The following BRINP3 variants were observed in gnomAD, a reference collection of about 807,000 sequenced individuals.
BRINP3 encodes the protein BMP/retinoic acid inducible neural specific 3.
BRINP3 carries 19 observed loss-of-function variants against 71.0 expected under a neutral mutation model. The observed-to-expected ratio is 0.27, with a 90% confidence interval of 0.19 to 0.39. The LOEUF is 0.39. Among genes scored for constraint, BRINP3 ranks in the 10% least tolerant of loss-of-function variants. The pLI is 1.00. For missense variants in BRINP3, 959 were observed against 940.8 expected, an observed-to-expected ratio of 1.02 and a Z score of -0.25; for synonymous variants, 380 against 337.7, an observed-to-expected ratio of 1.13 and a Z score of -1.37.
At chr1:190,249,260 C>G (rs1659898772) in intron 4 of BRINP3, among the ~76,000 whole-genome samples, 1 of 151,910 alleles carries the variant, frequency 6.6e-6, no homozygotes, top group East Asian at 1.9e-4. Context: ...CAGCCCTAAG[C>G]ACAGCACAGA....
intron 6 of BRINP3, among the ~76,000 whole-genome samples, chr1:190,207,350 A>C (rs964120177): frequency 1.3e-5 from 2 of 152,114 alleles, no homozygotes; most frequent in African/African-American, 4.8e-5. Context: ...GCTTGTTCAG[A>C]GTTCACACAA....
At chr1:190,421,910 CT>C (rs1673413310) in intron 2 of BRINP3, among the ~76,000 whole-genome samples, 1 of 151,678 alleles carries the variant, frequency 6.6e-6, no homozygotes, top group African/African-American at 2.4e-5. Flanking sequence ...GCATTCTTTT[CT>C]TCTTCTTTGC....
chr1:190,289,021 A>AT (rs537928136), intron 2 of BRINP3, among the ~76,000 whole-genome samples: 3 of 151,266 alleles, frequency 2.0e-5, no homozygotes, highest in African/African-American at 7.3e-5. Context: ...TAAACATTGG[A>AT]TTTTTTTTTA....
intron 2 of BRINP3, among the ~76,000 whole-genome samples, chr1:190,306,898 A>G (rs1050978108): frequency 1.3e-5 from 2 of 152,048 alleles, no homozygotes; most frequent in African/African-American, 4.8e-5. Context: ...ACAATATAGT[A>G]CCTCAATATT....
intron 2 of BRINP3, among the ~76,000 whole-genome samples, chr1:190,452,150 A>G (rs559703834): frequency 4.6e-5 from 7 of 152,310 alleles, no homozygotes; most frequent in Middle Eastern, 3.4e-3. Context: ...TTTATGGCAA[A>G]CATTAATGAA....
At chr1:190,150,708 C>A (rs914710521) in intron 7 of BRINP3, among the ~76,000 whole-genome samples, 4 of 151,968 alleles carry the variant, frequency 2.6e-5, no homozygotes, top group African/African-American at 4.8e-5. Context: ...ATGAAGCTGA[C>A]AAAAAAGATT....
chr1:190,395,404 A>C (rs1271934656), intron 2 of BRINP3, among the ~76,000 whole-genome samples: 1 of 151,716 alleles, frequency 6.6e-6, no homozygotes, highest in Non-Finnish European at 1.5e-5. Flanking sequence ...ATTTAACTGC[A>C]CTTTGTATGC....
At chr1:190,293,800 G>T (rs1170262134) in intron 2 of BRINP3, among the ~76,000 whole-genome samples, 1 of 152,026 alleles carries the variant, frequency 6.6e-6, no homozygotes, top group East Asian at 1.9e-4. Context: ...TACAGTTTTT[G>T]ATTTAATGTC....
intron 3 of BRINP3, among the ~76,000 whole-genome samples, chr1:190,271,324 G>C (rs948411122): frequency 2.6e-5 from 4 of 151,510 alleles, no homozygotes; most frequent in African/African-American, 9.7e-5. Context: ...GAATGATCTT[G>C]AACAACACAT....
intron 2 of BRINP3, among the ~76,000 whole-genome samples, chr1:190,301,184 T>C (rs1558160398): frequency 8.9e-6 from 1 of 112,900 alleles, no homozygotes; most frequent in African/African-American, 3.2e-5. Context: ...TACATATATA[T>C]ATGTATATAT....
At chr1:190,230,599 A>T (rs1657877343) in intron 5 of BRINP3, among the ~76,000 whole-genome samples, 1 of 151,906 alleles carries the variant, frequency 6.6e-6, no homozygotes, top group Non-Finnish European at 1.5e-5. Context: ...GGTAACTAAT[A>T]CATCTTTTAA....
intron 7 of BRINP3, among the ~76,000 whole-genome samples, chr1:190,133,017 G>A (rs1290823611): frequency 6.6e-6 from 1 of 152,046 alleles, no homozygotes; most frequent in Non-Finnish European, 1.5e-5. Context: ...CAGGCCCAGT[G>A]AGGCCTACAT....
intron 1 of BRINP3, among the ~76,000 whole-genome samples, chr1:190,458,868 A>C (rs1479801755): frequency 6.6e-6 from 1 of 151,994 alleles, no homozygotes; most frequent in African/African-American, 2.4e-5. Context: ...TAACTGGCCA[A>C]CTAAAGAGAT....
chr1:190,458,857 C>T (rs1193848032), intron 1 of BRINP3, among the ~76,000 whole-genome samples: 2 of 151,704 alleles, frequency 1.3e-5, no homozygotes, highest in Non-Finnish European at 1.5e-5. Context: ...AACCAAGAGG[C>T]TAACTGGCCA....
At chr1:190,195,026 A>G (rs1358214832) in intron 6 of BRINP3, among the ~76,000 whole-genome samples, 2 of 152,114 alleles carry the variant, frequency 1.3e-5, no homozygotes, top group Non-Finnish European at 2.9e-5. Context: ...TTCTTTCAAC[A>G]TGAAGTTTAA....
chr1:190,348,049 A>T (rs889326234), intron 2 of BRINP3, among the ~76,000 whole-genome samples: 3 of 152,168 alleles, frequency 2.0e-5, no homozygotes, highest in Non-Finnish European at 2.9e-5. Context: ...CCTAGGAAGC[A>T]TATGCAAAGT....
Position 190,306,399 on chromosome 1 carries a change from G to A in BRINP3, c.237-24649C>T, listed in dbSNP as rs923608827. 2.0e-5 allele frequency among the ~76,000 whole-genome samples: 3 copies of A among 151,736 alleles called. No individual in the cohort carries two copies. In the East Asian group the frequency reaches 5.8e-4, roughly 29 times the overall value. On this transcript the variant is annotated intron_variant, in intron 2 of 7. Transcript: ENST00000367462. ...GAAACATTTTGATTGTAAGAGTAGG[G>A]TGTCCAAGGGCCATAAAGACAGAAA... is the stretch of plus-strand genomic sequence containing the variant.
intron 1 of BRINP3, among the ~76,000 whole-genome samples, chr1:190,464,627 A>T (rs1267774074): frequency 6.6e-6 from 1 of 151,976 alleles, no homozygotes; most frequent in Non-Finnish European, 1.5e-5. Flanking sequence ...GGGCTGCTTT[A>T]TTATATATGC....
chr1:190,261,479 C>T (rs1259572851), intron 4 of BRINP3, among the ~76,000 whole-genome samples: 3 of 151,920 alleles, frequency 2.0e-5, no homozygotes, highest in African/African-American at 7.3e-5. Flanking sequence ...TTATAAAAGA[C>T]AAAACAAACA....
Sources: allele counts gnomAD v4.1 joint callset (sites outside exome capture counted in the v4.1 genomes callset), GRCh38; gene constraint gnomAD v4.1.1; transcripts MANE v1.5; gene names NCBI Gene and HGNC (gene_info 2026-07-23, HGNC 2026-07-21).